SNCAIP: variants seen among roughly 807,000 people sequenced by gnomAD.
SNCAIP encodes the protein synuclein alpha interacting protein.
In SNCAIP, 43 loss-of-function variants were observed where a neutral mutation model predicts 86.7. The observed-to-expected ratio is 0.50, with a 90% CI of 0.39 to 0.64. The LOEUF is 0.64. SNCAIP is among the 30% of genes least tolerant of loss of function. The pLI is 0.00. For synonymous variants in SNCAIP, 417 were observed against 427.2 expected (o/e 0.98, Z 0.29); for missense variants, 981 against 1,103.1 (o/e 0.89, Z 1.57).
intron 1 of SNCAIP, among the ~76,000 whole-genome samples, chr5:122,361,476 C>G (rs1762193788): frequency 6.6e-6 from 1 of 152,168 alleles, no homozygotes; most frequent in Non-Finnish European, 1.5e-5. Context: ...CCTTCCACAA[C>G]CAGCAAGGTT....
intron 2 of SNCAIP, among the ~76,000 whole-genome samples, chr5:122,396,527 T>C (rs1770653526): frequency 6.6e-6 from 1 of 152,210 alleles, no homozygotes; most frequent in Non-Finnish European, 1.5e-5. Flanking sequence ...ATGCAGATTA[T>C]TGACAAAAAC....
intron 2 of SNCAIP, among the ~76,000 whole-genome samples, chr5:122,402,559 C>T (rs944125933): frequency 6.6e-6 from 1 of 151,790 alleles, no homozygotes; most frequent in East Asian, 1.9e-4. Context: ...TTGTGACATG[C>T]GGTTGGCAAA....
intron 1 of SNCAIP, among the ~76,000 whole-genome samples, chr5:122,332,705 A>G (rs1201339908): frequency 1.3e-5 from 2 of 152,222 alleles, no homozygotes; most frequent in Non-Finnish European, 2.9e-5. Flanking sequence ...TTCTGATGCC[A>G]TTTTAATTTT....
At chr5:122,373,370 A>G (rs1490297470) in intron 1 of SNCAIP, among the ~76,000 whole-genome samples, 2 of 152,166 alleles carry the variant, frequency 1.3e-5, no homozygotes, top group African/African-American at 4.8e-5. Flanking sequence ...TGTTAGGGTG[A>G]TATCAGTTGA....
chr5:122,446,426 A>G (rs539501050), intron 8 of SNCAIP, among the ~76,000 whole-genome samples: 1 of 152,346 alleles, frequency 6.6e-6, no homozygotes, highest in East Asian at 1.9e-4. Flanking sequence ...ATAGCATGGA[A>G]TCTACAAAAC....
intron 2 of SNCAIP, among the ~76,000 whole-genome samples, chr5:122,392,640 G>A (rs2152843508): frequency 1.3e-5 from 2 of 152,284 alleles, no homozygotes; most frequent in East Asian, 3.9e-4. Flanking sequence ...TAATGATGTT[G>A]TGTTTTAAAA....
chr5:122,378,838 T>C (rs1439869799), intron 1 of SNCAIP, among the ~76,000 whole-genome samples: 2 of 145,926 alleles, frequency 1.4e-5, no homozygotes, highest in African/African-American at 2.6e-5. Context: ...TTGTCAAAGA[T>C]CAGATAGTTG....
Position 122,425,518 on chromosome 5 carries a change from G to A in SNCAIP, c.1169G>A (p.Gly390Asp). 2.5e-6 allele frequency: 4 copies of A among 1,614,018 alleles called. No individual in the cohort carries two copies. The highest frequency in any genetic ancestry group is 2.5e-6 in the Non-Finnish European group (3 of 1,179,946). Residue 390 changes from glycine (G) to aspartate (D), a missense_variant, in exon 5 of 11, where the codon GGC becomes GAC. By Grantham distance (94) the Gly-to-Asp change is moderately conservative. Coordinates refer to ENST00000261368, the MANE Select transcript of SNCAIP (RefSeq NM_005460.4). ...ERNTEKLTPA[G>D]LAIKNGQLEC... The stretch of plus-strand genomic sequence containing the variant: ...AACACTGAGAAGTTGACTCCAGCAG[G>A]CCTGGCCATTAAGGTGACTGGTTGG...
intron 5 of SNCAIP, among the ~76,000 whole-genome samples, chr5:122,431,163 A>T (rs941629001): frequency 2.0e-5 from 3 of 152,122 alleles, no homozygotes; most frequent in African/African-American, 7.2e-5. Context: ...GCTGGTGGTG[A>T]TATAAAGTGG....
intron 6 of SNCAIP, chr5:122,437,043 C>A (rs1254885799): frequency 6.6e-6 from 1 of 152,156 alleles, no homozygotes; most frequent in Non-Finnish European, 1.5e-5. Context: ...AATCTTCATC[C>A]ATGTGACTTC....
chr5:122,383,117 A>C (rs1288095499), intron 1 of SNCAIP, among the ~76,000 whole-genome samples: 2 of 152,168 alleles, frequency 1.3e-5, no homozygotes, highest in African/African-American at 4.8e-5. Context: ...AGCCTGGGCA[A>C]TGGCAGGCGC....
chr5:122,426,416 G>A (rs1042655173), intron 5 of SNCAIP, among the ~76,000 whole-genome samples: 6 of 152,112 alleles, frequency 3.9e-5, no homozygotes, highest in Non-Finnish European at 8.8e-5. Flanking sequence ...ATTCACTAAA[G>A]AACGTTACAT....
At chr5:122,458,099 G>C (rs1334102477) in intron 10 of SNCAIP, among the ~76,000 whole-genome samples, 1 of 152,200 alleles carries the variant, frequency 6.6e-6, no homozygotes, top group Non-Finnish European at 1.5e-5. Flanking sequence ...AAACAGTTTA[G>C]TTAGTGTCAA....
At chr5:122,326,512 T>G (rs1262355566) in intron 1 of SNCAIP, among the ~76,000 whole-genome samples, 2 of 151,754 alleles carry the variant, frequency 1.3e-5, no homozygotes, top group African/African-American at 2.4e-5. Context: ...TTATTGAAAT[T>G]TCAAACCTCA....
At chr5:122,425,782 G>A (rs576147676) in intron 5 of SNCAIP, among the ~76,000 whole-genome samples, 1 of 152,172 alleles carries the variant, frequency 6.6e-6, no homozygotes, top group Non-Finnish European at 1.5e-5. Context: ...AACAACTTTT[G>A]TTATTCATAG....
At chr5:122,413,942 C>T (rs888086565) in intron 3 of SNCAIP, among the ~76,000 whole-genome samples, 4 of 152,160 alleles carry the variant, frequency 2.6e-5, no homozygotes, top group African/African-American at 4.8e-5. Context: ...CAAGGTCTCA[C>T]TCTTTCGCCG....
At chr5:122,348,893 T>C (rs1408396322) in intron 1 of SNCAIP, among the ~76,000 whole-genome samples, 1 of 152,200 alleles carries the variant, frequency 6.6e-6, no homozygotes, top group Non-Finnish European at 1.5e-5. Flanking sequence ...AAATACGTCC[T>C]GAAAAATCAA....
intron 1 of SNCAIP, among the ~76,000 whole-genome samples, chr5:122,337,308 T>C (rs545607417): frequency 6.6e-6 from 1 of 152,330 alleles, no homozygotes; most frequent in East Asian, 1.9e-4. Flanking sequence ...AATGTAAGCA[T>C]ATACACTTCT....
chr5:122,422,782 T>G, intron 3 of SNCAIP, 86 bp from the exon 4 acceptor site: 1 of 1,100,068 alleles, frequency 9.1e-7, no homozygotes, highest in Non-Finnish European at 1.4e-6. Flanking sequence ...TTGAACATAA[T>G]GTGAATGAAC....
Sources: allele counts gnomAD v4.1 joint callset (sites outside exome capture counted in the v4.1 genomes callset), GRCh38; gene constraint gnomAD v4.1.1; transcripts MANE v1.5; gene names NCBI Gene and HGNC (gene_info 2026-07-23, HGNC 2026-07-21).